The following TMPRSS12 variants were observed in gnomAD, a reference collection of about 807,000 sequenced individuals.
The protein encoded by TMPRSS12 is transmembrane serine protease 12.
A neutral mutation model predicts 26.0 loss-of-function variants in TMPRSS12; 25 were observed. The ratio of observed to expected loss-of-function variants is 0.96; its 90% CI spans 0.70 to 1.34. TMPRSS12 has a LOEUF of 1.34. Ranked by LOEUF, TMPRSS12 falls within the 40% of genes most tolerant of loss-of-function variation. The probability of loss-of-function intolerance (pLI) is 0.00; values close to 1 mark genes in which losing one functional copy is unlikely to be tolerated. For synonymous variants in TMPRSS12, 150 were observed against 161.7 expected, an observed-to-expected ratio of 0.93 and a Z score of 0.55; for missense variants, 441 against 440.1, an observed-to-expected ratio of 1.00 and a Z score of -0.02.
intron 2 of TMPRSS12, among the ~76,000 whole-genome samples, chr12:50,846,240 CTA>C (rs1555205332): frequency 7.2e-5 from 11 of 152,090 alleles, no homozygotes; most frequent in African/African-American, 2.7e-4. Flanking sequence ...AGCTTTTCCC[CTA>C]TGTTTTCTTC....
chr12:50,877,963 G>T (rs775369844), intron 3 of TMPRSS12, among the ~76,000 whole-genome samples: 2 of 152,110 alleles, frequency 1.3e-5, no homozygotes, highest in Non-Finnish European at 2.9e-5. Context: ...CAAAAGATGT[G>T]TAAGACTTGT....
At chr12:50,843,601 G>C (rs540812792) in intron 1 of TMPRSS12, among the ~76,000 whole-genome samples, 2 of 152,090 alleles carry the variant, frequency 1.3e-5, no homozygotes, top group African/African-American at 2.4e-5. Context: ...TATATTTTTG[G>C]GGAATAGAGT....
intron 2 of TMPRSS12, among the ~76,000 whole-genome samples, chr12:50,845,256 C>T (rs1937756952): frequency 6.6e-6 from 1 of 152,196 alleles, no homozygotes; most frequent in Non-Finnish European, 1.5e-5. Flanking sequence ...TTTTTGACCT[C>T]TACAGCCTTT....
At chr12:50,870,330 C>T (rs2139730692) in intron 3 of TMPRSS12, among the ~76,000 whole-genome samples, 1 of 55,242 alleles carries the variant, frequency 1.8e-5, no homozygotes, top group Non-Finnish European at 3.7e-5. Flanking sequence ...ACACTACATA[C>T]ACAGAATTAA....
intron 3 of TMPRSS12, among the ~76,000 whole-genome samples, chr12:50,871,208 C>T (rs10876107): frequency 0.26 from 39,809 of 152,024 alleles, 5,936 homozygotes; most frequent in South Asian, 0.35. Flanking sequence ...ACTATAAGCC[C>T]ATTGTCACCC....
chr12:50,853,070 C>T (rs1198291729), intron 2 of TMPRSS12, among the ~76,000 whole-genome samples: 1 of 152,176 alleles, frequency 6.6e-6, no homozygotes, highest in Admixed American at 6.5e-5. Context: ...ATAGACCACA[C>T]ACTCAGCCAT....
intron 3 of TMPRSS12, among the ~76,000 whole-genome samples, chr12:50,879,730 G>A (rs2030199719): frequency 6.6e-6 from 1 of 152,194 alleles, no homozygotes. Flanking sequence ...AACTTTGGGA[G>A]TCTGAGGCAG....
Position 50,885,311 on chromosome 12 carries a change from G to C in TMPRSS12, c.718G>C (p.Glu240Gln), listed in dbSNP as rs1211102053. The C allele has an allele frequency of 6.2e-7, 1 of 1,613,306 alleles. No homozygotes were observed. Among genetic ancestry groups the C allele is most frequent in the African/African-American group, 1.3e-5 (1 of 75,032 alleles). The change falls in exon 4 of 5, where the codon GAG becomes CAG. Residue 240 changes from glutamate (E) to glutamine (Q), a missense_variant. By Grantham distance (29) the Glu-to-Gln change is conservative. Transcript: ENST00000398458. ...HYISREMCNSERSYGGIIPNT... is the reference protein window; with the variant it reads ...HYISREMCNSQRSYGGIIPNT... Reference sequence around the variant, plus strand: ...TATTTCTCGAGAGATGTGTAATTCTGAGAGGAGTTATGGGGGAATAATTCC... The same window carrying C: ...TATTTCTCGAGAGATGTGTAATTCTCAGAGGAGTTATGGGGGAATAATTCC...
intron 2 of TMPRSS12, among the ~76,000 whole-genome samples, chr12:50,856,842 C>T (rs1200942333): frequency 2.8e-5 from 3 of 106,490 alleles, no homozygotes; most frequent in South Asian, 4.1e-4. Context: ...TGTGCCACGA[C>T]ATCCGGCTAA....
chr12:50,872,905 ATG>A lies in TMPRSS12; in HGVS notation c.653-12340_653-12339del, dbSNP rs1471178994. ...ATATGACGTATATATGTACATATAT[ATG>A]ACTATATATGTACATATATGATGTA... is the stretch of plus-strand genomic sequence containing the variant. On this transcript the variant is annotated intron_variant, in intron 3 of 4. Coordinates refer to ENST00000398458, the MANE Select transcript of TMPRSS12 (RefSeq NM_182559.3). 7.7e-5 allele frequency among the ~76,000 whole-genome samples: 9 copies of A among 116,686 alleles called. 2 individuals carry two copies. The Admixed American group carries it at 7.9e-4, about 10-fold the overall frequency. The allele number at this position is 116,686 out of a possible 152,430, so 76.6% of individuals were successfully genotyped here. A position where few individuals can be genotyped will look rare whatever the true frequency, so the allele number is the denominator to read the frequency against.
Position 50,887,278 on chromosome 12 carries a change from C to G in TMPRSS12, c.812C>G (p.Pro271Arg). The change falls in exon 5 of 5, where the codon CCA becomes CGA. Residue 271 changes from proline (P) to arginine (R), a missense_variant. Pro to Arg is a moderately radical substitution (Grantham distance 103). Transcript: ENST00000398458. ...TTTTGACAGGGTGACAGTGGGGGAC[C>G]ATTAATGTGCTACTTACCAGAATAT... ...FDTCRGDSGG[P>R]LMCYLPEYKR... The G allele has an allele frequency of 6.2e-6, 10 of 1,613,554 alleles. No individual in the cohort carries two copies. The highest frequency in any genetic ancestry group is 8.5e-6 in the Non-Finnish European group (10 of 1,179,758).
At chr12:50,848,586 T>C (rs888676651) in intron 2 of TMPRSS12, among the ~76,000 whole-genome samples, 8 of 152,272 alleles carry the variant, frequency 5.3e-5, no homozygotes, top group African/African-American at 1.9e-4. Flanking sequence ...GTTATCATTC[T>C]ACCTCATAAT....
At chr12:50,878,696 T>C (rs925559671) in intron 3 of TMPRSS12, among the ~76,000 whole-genome samples, 12 of 152,194 alleles carry the variant, frequency 7.9e-5, no homozygotes, top group African/African-American at 9.7e-5. Flanking sequence ...CAAGGCAATA[T>C]AATGGAAAAC....
At chr12:50,860,874 G>A (rs1418579817) in intron 3 of TMPRSS12, among the ~76,000 whole-genome samples, 1 of 152,046 alleles carries the variant, frequency 6.6e-6, no homozygotes, top group Non-Finnish European at 1.5e-5. Context: ...GCCTCCCAAA[G>A]TGCTGAGATT....
intron 3 of TMPRSS12, among the ~76,000 whole-genome samples, chr12:50,867,205 C>T (rs755000406): frequency 3.9e-5 from 6 of 152,138 alleles, no homozygotes; most frequent in East Asian, 3.8e-4. Context: ...CAGAGAAAGG[C>T]GAAGCCCAAT....
rs768127142 is a variant in TMPRSS12, at chr12:50,843,118, C to CG, written c.156dup (p.Arg53AlafsTer18). 12 of 1,575,606 alleles carry CG rather than the reference C, an allele frequency of 7.6e-6. No individual in the cohort carries two copies. Among genetic ancestry groups the CG allele is most frequent in the Non-Finnish European group, 7.8e-6 (9 of 1,160,560 alleles). On this transcript the variant is annotated frameshift_variant, in exon 1 of 5. Transcript: ENST00000398458. LOFTEE classifies it high-confidence loss of function. Reference sequence around the variant, plus strand: ...GGCTGAGGCCGTCCGCAAGAGGCTCCGGCGGCGGAGGGAGGGAGGGGCGCA... The same window carrying CG: ...GGCTGAGGCCGTCCGCAAGAGGCTCCGGGCGGCGGAGGGAGGGAGGGGCGCA...
At chr12:50,857,580 A>G in intron 2 of TMPRSS12, among the ~76,000 whole-genome samples, 1 of 152,190 alleles carries the variant, frequency 6.6e-6, no homozygotes, top group East Asian at 1.9e-4. Flanking sequence ...ATTTGATTCC[A>G]GAAGTTAACT....
intron 3 of TMPRSS12, among the ~76,000 whole-genome samples, chr12:50,884,883 A>T (rs910062208): frequency 6.6e-6 from 1 of 151,530 alleles, no homozygotes; most frequent in East Asian, 1.9e-4. Flanking sequence ...AAAATTAAAA[A>T]AAAAAAAAAA....
At chr12:50,844,352 C>T (rs575830172) in intron 2 of TMPRSS12, among the ~76,000 whole-genome samples, 1 of 151,036 alleles carries the variant, frequency 6.6e-6, no homozygotes, top group African/African-American at 2.4e-5. Flanking sequence ...TCCCCTAGCC[C>T]CCTACCCAGG....
Sources: allele counts gnomAD v4.1 joint callset (sites outside exome capture counted in the v4.1 genomes callset), GRCh38; gene constraint gnomAD v4.1.1; transcripts MANE v1.5; gene names NCBI Gene and HGNC (gene_info 2026-07-23, HGNC 2026-07-21).